The following SNX16 variants were observed in gnomAD, a reference collection of about 807,000 sequenced individuals.
SNX16 encodes sorting nexin 16.
Under a neutral mutation model 36.7 loss-of-function variants are expected in SNX16, and 35 were observed. That is an observed-to-expected ratio of 0.95 (90% CI 0.73 to 1.27). The LOEUF is 1.27. SNX16 is among the 50% of genes most tolerant of loss of function. The pLI is 0.00. For synonymous variants in SNX16, 134 were observed against 132.0 expected, an observed-to-expected ratio of 1.02 and a Z score of -0.10; for missense variants, 367 against 393.6, an observed-to-expected ratio of 0.93 and a Z score of 0.57.
intron 4 of SNX16, 122 bp from the exon 5 acceptor site, chr8:81,815,516 A>T: frequency 3.3e-6 from 2 of 602,270 alleles, no homozygotes; most frequent in Non-Finnish European, 2.9e-6. Flanking sequence ...TTTTCATACA[A>T]GTAACTAAAT....
chr8:81,805,919 C>T (rs192144429), intron 5 of SNX16, among the ~76,000 whole-genome samples: 1,806 of 149,198 alleles, frequency 0.012, 32 homozygotes, highest in African/African-American at 0.042. Flanking sequence ...AGACTCTTAT[C>T]TCAAAAAAAA....
rs183905638 is a variant in SNX16, at chr8:81,827,950, A to C, written c.462+1480T>G. On this transcript the variant is annotated intron_variant, in intron 3 of 7. Transcript: ENST00000345957. Reference sequence around the variant, plus strand: ...GCATAATGAACTGCTTGCTTCTTTTAGATAAATGATTTTTCTCTTGGCTTC... The same window carrying C: ...GCATAATGAACTGCTTGCTTCTTTTCGATAAATGATTTTTCTCTTGGCTTC... Among the ~76,000 whole-genome samples the C allele has an allele frequency of 3.5e-3, 527 of 152,278 alleles. 2 individuals carry two copies. The highest frequency in any genetic ancestry group is 0.012 in the African/African-American group (490 of 41,556).
intron 3 of SNX16, among the ~76,000 whole-genome samples, chr8:81,824,179 AACCATT>A (rs1266142881): frequency 6.6e-6 from 1 of 152,178 alleles, no homozygotes; most frequent in Non-Finnish European, 1.5e-5. Context: ...TTTGAATGTT[AACCATT>A]TTAGTGGGGG....
intron 2 of SNX16, among the ~76,000 whole-genome samples, chr8:81,834,475 C>T (rs1294355584): frequency 2.0e-5 from 3 of 152,256 alleles, no homozygotes; most frequent in South Asian, 4.1e-4. Flanking sequence ...ACTCAAAAGT[C>T]CACAGTCCAA....
rs1019221805 is a variant in SNX16 at position 81,801,270 on chromosome 8, AT to A, written c.*226del. The A allele has an allele frequency of 5.7e-5, 20 of 349,766 alleles. No individual in the cohort carries two copies. Among genetic ancestry groups the A allele is most frequent in the Admixed American group, 1.8e-4 (4 of 21,844 alleles). 21.7% of individuals were successfully genotyped at this position (349,766 alleles called of 1,614,324 possible). On this transcript the variant is annotated 3_prime_UTR_variant, in exon 8 of 8. Transcript: ENST00000345957. The stretch of plus-strand genomic sequence containing the variant: ...GCCTTGATAACAGAATTCCAACAAG[AT>A]TTTTTTTAGTGTATTAAATGTAATT...
At chr8:81,828,727 T>C (rs1355716179) in intron 3 of SNX16, among the ~76,000 whole-genome samples, 1 of 152,214 alleles carries the variant, frequency 6.6e-6, no homozygotes. Context: ...CTGTTTTCTC[T>C]AGCTGGTGGC....
intron 2 of SNX16, among the ~76,000 whole-genome samples, chr8:81,836,356 C>G (rs1243263776): frequency 1.3e-5 from 2 of 152,176 alleles, no homozygotes; most frequent in Non-Finnish European, 2.9e-5. Flanking sequence ...TTATACCTCT[C>G]CCTTAAACTC....
chr8:81,802,433 C>A lies in SNX16; in HGVS notation c.885G>T (p.Lys295Asn), dbSNP rs780180785. Reference sequence around the variant, plus strand: ...CAACCTCAAGTGCAGAGGACTCCACCTTTAGGATCTGTTCACCTTCTGTTT... The same window carrying A: ...CAACCTCAAGTGCAGAGGACTCCACATTTAGGATCTGTTCACCTTCTGTTT... ...VSETEGEQIL[K>N]VESSALEVDQ... is the part of the protein sequence containing the mutation. Residue 295 changes from lysine to asparagine, a missense_variant, in exon 7 of 8, where the codon AAG becomes AAT. Physicochemically the swap from Lys to Asn is moderately conservative, Grantham distance 94. Transcript: ENST00000345957. The A allele has an allele frequency of 6.2e-7, 1 of 1,610,650 alleles. No homozygotes were observed. The highest frequency in any genetic ancestry group is 2.2e-5 in the East Asian group (1 of 44,648).
intron 4 of SNX16, chr8:81,815,771 G>GT (rs994634001): frequency 6.1e-6 from 1 of 162,854 alleles, no homozygotes; most frequent in Non-Finnish European, 1.4e-5. Context: ...TACCTCACTT[G>GT]TTTTTGTTTC....
At chr8:81,817,199 G>C (rs936257731) in intron 4 of SNX16, among the ~76,000 whole-genome samples, 1 of 152,116 alleles carries the variant, frequency 6.6e-6, no homozygotes, top group Non-Finnish European at 1.5e-5. Flanking sequence ...TGACAAATGT[G>C]AGACATTATT....
At chr8:81,816,185 T>TC (rs1019970082) in intron 4 of SNX16, among the ~76,000 whole-genome samples, 1 of 150,634 alleles carries the variant, frequency 6.6e-6, no homozygotes, top group Admixed American at 6.6e-5. Flanking sequence ...GATTTTCTTT[T>TC]TTTTTTTTTT....
chr8:81,804,553 T>C (rs1809848626), intron 5 of SNX16, among the ~76,000 whole-genome samples: 1 of 149,166 alleles, frequency 6.7e-6, no homozygotes, highest in Non-Finnish European at 1.5e-5. Context: ...AAGAAAGGAG[T>C]AAAAAAGCAT....
rs1810431966 is a variant in SNX16 at position 81,815,341 on chromosome 8, C to G, written c.665G>C (p.Ser222Thr). 6.2e-7 allele frequency: 1 copy of G among 1,612,456 alleles called. No individual in the cohort carries two copies. The highest frequency in any genetic ancestry group is 8.5e-7 in the Non-Finnish European group (1 of 1,178,994). ...CLDDPPGPFD[S>T]LEESRAFCET... ...AGCACTTACCCTGCTTTCTTCTAGG[C>G]TATCAAATGGACCCGGTGGATCATC... Residue 222 changes from serine (S) to threonine (T), a missense_variant, in exon 5 of 8, where the codon AGC becomes ACC. Ser to Thr is a moderately conservative substitution (Grantham distance 58). Coordinates refer to ENST00000345957, the MANE Select transcript of SNX16 (RefSeq NM_152836.3).
intron 2 of SNX16, among the ~76,000 whole-genome samples, chr8:81,835,873 C>A (rs1033493417): frequency 6.6e-6 from 1 of 152,210 alleles, no homozygotes. Context: ...GCTTTTAAAA[C>A]CATCAGATCT....
At chr8:81,834,826 C>T (rs953158845) in intron 2 of SNX16, among the ~76,000 whole-genome samples, 3 of 152,184 alleles carry the variant, frequency 2.0e-5, no homozygotes, top group Middle Eastern at 3.4e-3. Context: ...TTTTATGAGC[C>T]GTGGCTTTTC....
intron 5 of SNX16, chr8:81,815,000 A>G (rs1479566408): frequency 6.3e-6 from 1 of 157,964 alleles, no homozygotes; most frequent in Non-Finnish European, 1.4e-5. Flanking sequence ...ACTCAAATGG[A>G]AGAAAACTCA....
chr8:81,801,525 TCTG>T lies in SNX16; in HGVS notation c.1004_1006del (p.Ala335del). 6.3e-7 allele frequency: 1 copy of T among 1,598,330 alleles called. No homozygotes were observed. The highest frequency in any genetic ancestry group is 8.5e-7 in the Non-Finnish European group (1 of 1,175,694). ...GTCTTCTTCAGCATCATATGCCACT[TCTG>T]CTACTTCTATCTCTGATACAGCATT... On this transcript the variant is annotated inframe_deletion, in exon 8 of 8. Transcript: ENST00000345957.
chr8:81,801,613 A>AAAAG lies in SNX16; in HGVS notation c.939-21_939-20insCTTT. On this transcript the variant is annotated intron_variant, in intron 7 of 7. Coordinates refer to ENST00000345957, the MANE Select transcript of SNX16 (RefSeq NM_152836.3). The stretch of plus-strand genomic sequence containing the variant: ...TCAGCTCTGCAAAAAAAAAAAAAAA[A>AAAAG]GGAACATATCAATGATGGGACTGGA... 7.4e-7 allele frequency: 1 copy of AAAAG among 1,344,112 alleles called. No homozygotes were observed. Among genetic ancestry groups the AAAAG allele is most frequent in the East Asian group, 2.3e-5 (1 of 42,794 alleles). 83.3% of individuals were successfully genotyped at this position (1,344,112 alleles called of 1,614,324 possible).
At chr8:81,838,263 GAA>G (rs1025825842) in intron 2 of SNX16, among the ~76,000 whole-genome samples, 20 of 152,076 alleles carry the variant, frequency 1.3e-4, no homozygotes, top group African/African-American at 4.3e-4. Context: ...TCATAGATTT[GAA>G]AACTCAGTAA....
Sources: gnomAD v4.1 joint callset for allele counts (sites outside exome capture counted in the v4.1 genomes callset) on GRCh38, gnomAD v4.1.1 for gene constraint, MANE v1.5 for transcripts, NCBI Gene and HGNC (gene_info 2026-07-23, HGNC 2026-07-21) for gene names.